Variants in TMC2 observed in about 807,000 individuals in gnomAD.
The protein encoded by TMC2 is transmembrane channel-like protein 2.
TMC2 carries 102 observed loss-of-function variants against 105.9 expected under a neutral mutation model. That is an observed-to-expected ratio of 0.96 (90% CI 0.82 to 1.14). The LOEUF is 1.14. Among genes scored for constraint, TMC2 ranks in the 50% most tolerant of loss-of-function variants. TMC2 has a pLI of 0.00. For synonymous variants in TMC2, 402 were observed against 422.8 expected (o/e 0.95, Z 0.60); for missense variants, 1,093 against 1,134.3 (o/e 0.96, Z 0.52).
rs757980966 is a variant in TMC2, at chr20:2,617,258, G to A, written c.2127G>A (p.Pro709=). ...TGGTGCTCTTCCTCAGCCTCCTGCC[G>A]GTGGCCTACACCATCATGTCCCTCC... The part of the protein sequence containing the change: ...LLLVLFLSLL[P]VAYTIMSLPP... Residue 709 remains proline (P), a synonymous_variant, in exon 16 of 20, where the codon CCG becomes CCA. Transcript: ENST00000358864. 1.9e-5 allele frequency: 31 copies of A among 1,614,042 alleles called. No homozygotes were observed. The highest frequency in any genetic ancestry group is 5.3e-5 in the African/African-American group (4 of 74,930).
chr20:2,588,021 C>A (rs74787795), intron 7 of TMC2, among the ~76,000 whole-genome samples: 21 of 151,608 alleles, frequency 1.4e-4, no homozygotes, highest in African/African-American at 3.9e-4. Context: ...ATCCCCCCCC[C>A]CTTTGAGTAT....
At chr20:2,615,037 C>T (rs80306157) in intron 14 of TMC2, among the ~76,000 whole-genome samples, 19,087 of 151,924 alleles carry the variant, frequency 0.13, 1,553 homozygotes, top group Middle Eastern at 0.21. Flanking sequence ...AATTTAAATT[C>T]TGGGTGGGGG....
chr20:2,631,063 TTCCC>T (rs1311966786), intron 17 of TMC2, among the ~76,000 whole-genome samples: 2 of 152,238 alleles, frequency 1.3e-5, no homozygotes, highest in Non-Finnish European at 2.9e-5. Context: ...ATAATTTTAG[TTCCC>T]ACGTCATTTC....
At chr20:2,613,095 G>T in intron 13 of TMC2, 99 bp from the exon 14 acceptor site, 1 of 1,475,436 alleles carries the variant, frequency 6.8e-7, no homozygotes, top group South Asian at 1.4e-5. Flanking sequence ...AAGTCAGGTG[G>T]GTGGGGGAGA....
intron 17 of TMC2, among the ~76,000 whole-genome samples, chr20:2,633,208 T>G (rs2086617054): frequency 6.6e-6 from 1 of 152,190 alleles, no homozygotes; most frequent in Non-Finnish European, 1.5e-5. Context: ...GGGTATGCCT[T>G]CAACATTCAA....
chr20:2,549,352 A>C (rs2085943166), intron 2 of TMC2, among the ~76,000 whole-genome samples: 1 of 152,210 alleles, frequency 6.6e-6, no homozygotes, highest in South Asian at 2.1e-4. Context: ...CACCGTGCCC[A>C]GCCTAAGCAC....
intron 17 of TMC2, among the ~76,000 whole-genome samples, chr20:2,631,145 C>T (rs1016465358): frequency 7.2e-6 from 1 of 138,534 alleles, no homozygotes; most frequent in East Asian, 2.2e-4. Context: ...ATATAACAAA[C>T]TACTTTGAAT....
At chr20:2,613,059 C>T (rs776518691) in intron 13 of TMC2, 135 bp from the exon 14 acceptor site, 18 of 1,222,892 alleles carry the variant, frequency 1.5e-5, no homozygotes, top group Non-Finnish European at 2.0e-5. Context: ...TCTTCACACA[C>T]AAAGGATCAG....
intron 16 of TMC2, among the ~76,000 whole-genome samples, chr20:2,619,011 A>T (rs949858060): frequency 6.6e-6 from 1 of 152,136 alleles, no homozygotes; most frequent in Non-Finnish European, 1.5e-5. Flanking sequence ...TTACTTCCTT[A>T]AATTGTGCAC....
In TMC2 at chr20:2,642,486, C is replaced by T. The variant is rs967760578; in HGVS notation, c.*1135C>T. On this transcript the variant is annotated 3_prime_UTR_variant, in exon 20 of 20. Coordinates refer to ENST00000358864, the MANE Select transcript of TMC2 (RefSeq NM_080751.3). ...CCAAATTCTAAAAGGAATTTGATAACATGATTATTGTACAAAAGACCTTGA... is the reference window on the plus strand; with the variant it reads ...CCAAATTCTAAAAGGAATTTGATAATATGATTATTGTACAAAAGACCTTGA... Among the ~76,000 whole-genome samples the T allele has an allele frequency of 6.6e-6, 1 of 152,176 alleles. No homozygotes were observed. Among genetic ancestry groups the T allele is most frequent in the African/African-American group, 2.4e-5 (1 of 41,434 alleles).
intron 10 of TMC2, 132 bp downstream of exon 10, chr20:2,597,430 G>A: frequency 1.1e-6 from 1 of 900,148 alleles, no homozygotes; most frequent in Non-Finnish European, 1.7e-6. Flanking sequence ...CCAGAAATGT[G>A]AGCCCAGTTT....
Position 2,602,220 on chromosome 20 carries a change from T to C in TMC2, c.1332T>C (p.Ser444=), listed in dbSNP as rs376660854. 6.7e-5 allele frequency: 108 copies of C among 1,613,644 alleles called. No individual in the cohort carries two copies. The highest frequency in any genetic ancestry group is 8.6e-5 in the Non-Finnish European group (102 of 1,179,862). ...NFLIICCLCG[S]GYLIYFVVKR... ...TCATCATCTGCTGTTTGTGTGGAAG[T>C]GGGTACCTCATTTACTTTGTGGTTA... The change falls in exon 11 of 20, where the codon AGT becomes AGC. Residue 444 remains serine (S), a synonymous_variant. Transcript: ENST00000358864.
chr20:2,596,405 G>C (rs1019627794), intron 9 of TMC2, among the ~76,000 whole-genome samples: 10 of 152,160 alleles, frequency 6.6e-5, no homozygotes, highest in Non-Finnish European at 1.3e-4. Context: ...GCCGAGGCAG[G>C]CAGATCACCT....
rs1555774377 is a variant in TMC2 at position 2,589,270 on chromosome 20, C to CTT, written c.835-3039_835-3038insTT. On this transcript the variant is annotated intron_variant, in intron 7 of 19. Coordinates refer to ENST00000358864, the MANE Select transcript of TMC2 (RefSeq NM_080751.3). ...TTTTCCAGATATCTTCCTATTTGCC[C>CTT]TGTGTGTGTGTGTGTGTGTGTGTGT... Among the ~76,000 whole-genome samples, 116 of 116,352 alleles carry CTT rather than the reference C, an allele frequency of 1.0e-3. 4 individuals carry two copies. Among genetic ancestry groups the CTT allele is most frequent in the African/African-American group, 4.3e-3 (110 of 25,824 alleles). The allele number at this position is 116,352 out of a possible 152,430, so 76.3% of individuals were successfully genotyped here. A position where few individuals can be genotyped will look rare whatever the true frequency, so the allele number is the denominator to read the frequency against.
rs2086273980 is a variant in TMC2, at chr20:2,592,242, G to A, written c.835-68G>A. 1.0e-6 allele frequency: 1 copy of A among 972,958 alleles called. No homozygotes were observed. The highest frequency in any genetic ancestry group is 1.7e-6 in the Non-Finnish European group (1 of 604,504). 60.3% of individuals were successfully genotyped at this position (972,958 alleles called of 1,614,324 possible). On this transcript the variant is annotated intron_variant, in intron 7 of 19. Transcript: ENST00000358864. This position sits in a 1 kb window ranked among gnomAD's most constrained non-coding sequence, Gnocchi z 4.9. The stretch of plus-strand genomic sequence containing the variant: ...TCTGAGAAGGAAAGCATTTACCCCA[G>A]TATATGAATGTCTCTGTGTGTTTGT...
intron 18 of TMC2, among the ~76,000 whole-genome samples, chr20:2,636,269 T>C (rs2086642059): frequency 6.6e-6 from 1 of 152,162 alleles, no homozygotes; most frequent in African/African-American, 2.4e-5. Flanking sequence ...GTTCAGCCAA[T>C]GCTCATACAG....
intron 10 of TMC2, among the ~76,000 whole-genome samples, chr20:2,600,851 G>A (rs1470827691): frequency 2.0e-5 from 3 of 151,510 alleles, no homozygotes; most frequent in Non-Finnish European, 2.9e-5. Context: ...GCCGGGTGTG[G>A]TGGTGGGCAC....
At chr20:2,630,524 G>T (rs2086596106) in intron 17 of TMC2, among the ~76,000 whole-genome samples, 1 of 152,086 alleles carries the variant, frequency 6.6e-6, no homozygotes, top group Non-Finnish European at 1.5e-5. Flanking sequence ...TTAAAAATCT[G>T]AAGTGTGCAT....
At chr20:2,610,086 T>G in intron 11 of TMC2, among the ~76,000 whole-genome samples, 1 of 152,194 alleles carries the variant, frequency 6.6e-6, no homozygotes, top group Non-Finnish European at 1.5e-5. Flanking sequence ...CCTGACCTCA[T>G]GATCTGCCTG....
Sources: gnomAD v4.1 joint callset for allele counts (sites outside exome capture counted in the v4.1 genomes callset) on GRCh38, gnomAD v4.1.1 for gene constraint, Gnocchi (gnomAD v3.1) non-coding constraint, MANE v1.5 for transcripts, NCBI Gene and HGNC (gene_info 2026-07-23, HGNC 2026-07-21) for gene names.